NRF1: variants seen among roughly 807,000 people sequenced by gnomAD.
NRF1 encodes the protein alpha palindromic-binding protein.
Under a neutral mutation model 58.5 loss-of-function variants are expected in NRF1, and 5 were observed. The ratio of observed to expected loss-of-function variants is 0.09; its 90% confidence interval spans 0.04 to 0.18. The LOEUF is 0.18. NRF1 is among the 10% of genes least tolerant of loss of function. The pLI, the probability that NRF1 is intolerant of heterozygous loss-of-function variation, is 1.00. For missense variants in NRF1, 288 were observed against 657.7 expected (o/e 0.44, Z 6.15); for synonymous variants, 224 against 246.7 (o/e 0.91, Z 0.86).
intron 1 of NRF1, among the ~76,000 whole-genome samples, chr7:129,641,261 T>C (rs1393541545): frequency 6.6e-6 from 1 of 152,244 alleles, no homozygotes; most frequent in African/African-American, 2.4e-5. Context: ...CCTGTCATTA[T>C]TTGATATTTA....
Position 129,657,522 on chromosome 7 carries a change from T to C in NRF1, c.171T>C (p.Asp57=). The C allele has an allele frequency of 6.2e-7, 1 of 1,614,046 alleles. No homozygotes were observed. The stretch of plus-strand genomic sequence containing the variant: ...AGGACACCTCTTACGATGACTCAGA[T>C]ATACTCAACTCCACAGCAGCTGATG... ...SPEDTSYDDS[D]ILNSTAADEV... Residue 57 remains aspartate, a synonymous_variant, in exon 2 of 11, where the codon GAT becomes GAC. Coordinates refer to ENST00000393232, the MANE Select transcript of NRF1 (RefSeq NM_005011.5).
chr7:129,620,364 T>G (rs1449173407), intron 1 of NRF1, among the ~76,000 whole-genome samples: 1 of 151,594 alleles, frequency 6.6e-6, no homozygotes, highest in Non-Finnish European at 1.5e-5. Flanking sequence ...ACAGTAGGCT[T>G]TATGGGGTAG....
At position 129,623,490 on chromosome 7, in the gene NRF1, A is replaced by T. The variant is rs552795556; in HGVS notation, c.-7+11666A>T. ...ACTCATACACTCAGTGAAATATGTG[A>T]TATATATAATTCTAATTCTGTGTAA... On this transcript the variant is annotated intron_variant, in intron 1 of 10. Transcript: ENST00000393232. 4.6e-5 allele frequency among the ~76,000 whole-genome samples: 7 copies of T among 152,228 alleles called. No individual in the cohort carries two copies. The South Asian group carries it at 1.5e-3, about 32-fold the overall frequency.
At chr7:129,616,551 A>G (rs1202819843) in intron 1 of NRF1, among the ~76,000 whole-genome samples, 1 of 152,210 alleles carries the variant, frequency 6.6e-6, no homozygotes, top group African/African-American at 2.4e-5. Flanking sequence ...AGTGAGCATA[A>G]TCATGCCATT....
intron 5 of NRF1, 132 bp downstream of exon 5, chr7:129,690,678 GAAACAGT>G: frequency 1.1e-6 from 1 of 921,386 alleles, no homozygotes; most frequent in Non-Finnish European, 1.6e-6. Context: ...GTCTTGTAGT[GAAACAGT>G]AGCAGCCTTG....
At chr7:129,743,062 A>G (rs962455966) in intron 10 of NRF1, among the ~76,000 whole-genome samples, 6 of 152,008 alleles carry the variant, frequency 3.9e-5, no homozygotes, top group Admixed American at 6.6e-5. Flanking sequence ...ATTTGCCTCA[A>G]TGTTTCTGGA....
At chr7:129,712,207 C>A (rs1176250623) in intron 8 of NRF1, among the ~76,000 whole-genome samples, 1 of 151,908 alleles carries the variant, frequency 6.6e-6, no homozygotes, top group South Asian at 2.1e-4. Context: ...GCCCAAAGTC[C>A]CATAGCAGTG....
intron 10 of NRF1, among the ~76,000 whole-genome samples, chr7:129,754,464 T>TAAAAAAAAAAAAAAAAAAAAA (rs57595268): frequency 9.8e-5 from 5 of 51,206 alleles, no homozygotes; most frequent in South Asian, 1.1e-3. Context: ...CCCTGTCTCT[T>TAAAAAAAAAAAAAAAAAAAAA]AAAAAAAAAA....
intron 1 of NRF1, among the ~76,000 whole-genome samples, chr7:129,623,328 C>T (rs908573975): frequency 4.6e-5 from 7 of 150,996 alleles, no homozygotes; most frequent in East Asian, 1.9e-4. Context: ...GTTGTCAGCA[C>T]GTGAAGTATT....
intron 9 of NRF1, among the ~76,000 whole-genome samples, chr7:129,719,267 G>A (rs895273711): frequency 6.6e-6 from 1 of 151,982 alleles, no homozygotes; most frequent in Non-Finnish European, 1.5e-5. Flanking sequence ...CAAGTAGCCA[G>A]GATTACAGGC....
intron 9 of NRF1, among the ~76,000 whole-genome samples, chr7:129,719,968 A>G (rs1003951300): frequency 6.6e-6 from 1 of 152,066 alleles, no homozygotes; most frequent in African/African-American, 2.4e-5. Context: ...AATATGAGGC[A>G]CATTTGGGCT....
At chr7:129,736,551 T>C (rs746308794) in intron 10 of NRF1, among the ~76,000 whole-genome samples, 1 of 152,070 alleles carries the variant, frequency 6.6e-6, no homozygotes, top group Non-Finnish European at 1.5e-5. Context: ...CCCAGCCCAA[T>C]AGGATATTCT....
chr7:129,615,957 G>A (rs969991154), intron 1 of NRF1, among the ~76,000 whole-genome samples: 1 of 152,130 alleles, frequency 6.6e-6, no homozygotes, highest in African/African-American at 2.4e-5. Flanking sequence ...TTTGTTTGAA[G>A]TTATTTTAGT....
chr7:129,735,230 G>C, intron 10 of NRF1: 1 of 985,410 alleles, frequency 1.0e-6, no homozygotes, highest in Non-Finnish European at 1.2e-6. Flanking sequence ...TGGACTGGAG[G>C]GCTGTTTAAA....
rs773884113 is a variant in NRF1 at position 129,738,061 on chromosome 7, T to C, written c.1348+10696T>C. Among the ~76,000 whole-genome samples, 60 of 152,146 alleles carry C rather than the reference T, an allele frequency of 3.9e-4. 1 individual carries two copies. The highest frequency in any genetic ancestry group is 3.4e-4 in the Non-Finnish European group (23 of 68,028). Reference sequence around the variant, plus strand: ...AAATGGTCTTTTCCACCCACTCCCTTGTTGATAGAGTGCCTTGAGAGAAAA... The same window carrying C: ...AAATGGTCTTTTCCACCCACTCCCTCGTTGATAGAGTGCCTTGAGAGAAAA... On this transcript the variant is annotated intron_variant, in intron 10 of 10. Coordinates refer to ENST00000393232, the MANE Select transcript of NRF1 (RefSeq NM_005011.5).
chr7:129,710,334 C>T, intron 6 of NRF1, 40 bp from the exon 7 acceptor site: 1 of 1,598,764 alleles, frequency 6.3e-7, no homozygotes, highest in Non-Finnish European at 8.6e-7. Flanking sequence ...AACCAAAGTT[C>T]TTTGTGGCTT....
At chr7:129,672,819 A>G (rs1270338854) in intron 3 of NRF1, among the ~76,000 whole-genome samples, 2 of 152,202 alleles carry the variant, frequency 1.3e-5, no homozygotes, top group African/African-American at 4.8e-5. Context: ...TGGAGATACA[A>G]AATAAGCAGT....
intron 9 of NRF1, among the ~76,000 whole-genome samples, chr7:129,718,309 A>G (rs1196754764): frequency 6.6e-6 from 1 of 152,214 alleles, no homozygotes; most frequent in Non-Finnish European, 1.5e-5. Context: ...GCTGTTTGGC[A>G]TCGAGCAGTT....
intron 4 of NRF1, among the ~76,000 whole-genome samples, chr7:129,681,740 AGAT>A (rs1284454763): frequency 5.3e-5 from 8 of 152,032 alleles, no homozygotes; most frequent in African/African-American, 1.9e-4. Flanking sequence ...CACCCAGCTA[AGAT>A]AAGAAGTACA....
Sources: gnomAD v4.1 joint callset for allele counts (sites outside exome capture counted in the v4.1 genomes callset) on GRCh38, gnomAD v4.1.1 for gene constraint, MANE v1.5 for transcripts, NCBI Gene and HGNC (gene_info 2026-07-23, HGNC 2026-07-21) for gene names.